The following FRMPD4 variants were observed in gnomAD, a reference collection of about 807,000 sequenced individuals.
FRMPD4 encodes the protein FERM and PDZ domain containing 4.
FRMPD4 carries 22 observed loss-of-function variants against 94.1 expected under a neutral mutation model. That is an observed-to-expected ratio of 0.23 (90% CI 0.17 to 0.33). The LOEUF is 0.33. Ranked by LOEUF, FRMPD4 falls within the 10% of genes least tolerant of loss-of-function variation. The pLI is 1.00. For synonymous variants in FRMPD4, 631 were observed against 548.6 expected (o/e 1.15, Z -2.10); for missense variants, 1,111 against 1,339.9 (o/e 0.83, Z 2.67).
intron 3 of FRMPD4, among the ~76,000 whole-genome samples, chrX:11,987,137 A>G (rs1206553212): frequency 6.0e-5 from 6 of 99,325 alleles, no homozygotes; most frequent in Non-Finnish European, 1.0e-4. Context: ...AAACAACTAC[A>G]GGCCAATAAC....
intron 3 of FRMPD4, among the ~76,000 whole-genome samples, chrX:12,066,456 G>A (rs2054920753): frequency 9.0e-6 from 1 of 111,675 alleles, no homozygotes; most frequent in Non-Finnish European, 1.9e-5. Flanking sequence ...ACAATGAAAG[G>A]GATCAATTAA....
chrX:11,834,373 C>T (rs918417470), intron 1 of FRMPD4, among the ~76,000 whole-genome samples: 7 of 111,979 alleles, frequency 6.3e-5, no homozygotes. Context: ...CTCAGAGTCT[C>T]ACTGATACCA....
intron 13 of FRMPD4, chrX:12,708,915 T>C (rs2041930498): frequency 8.8e-6 from 1 of 113,886 alleles, no homozygotes; most frequent in East Asian, 2.8e-4. Flanking sequence ...CTTCATGGGC[T>C]GGATCCAGAG....
rs147738061 is a variant in FRMPD4 at position 11,990,218 on chromosome X, G to A, written c.95+112200G>A. On this transcript the variant is annotated intron_variant, in intron 3 of 18. Coordinates refer to the FRMPD4 transcript ENST00000640291. ...AAACAAGCCAGGCACAAATGGTTAC[G>A]TTGTATGATTCCATTTATATTAAAT... Among the ~76,000 whole-genome samples the A allele has an allele frequency of 7.0e-3, 783 of 112,027 alleles. 5 individuals carry two copies. The highest frequency in any genetic ancestry group is 0.024 in the African/African-American group (734 of 30,946).
At chrX:12,381,646 A>C (rs1362084170) in intron 1 of FRMPD4, among the ~76,000 whole-genome samples, 1 of 112,027 alleles carries the variant, frequency 8.9e-6, no homozygotes. Flanking sequence ...TTGGATGGCA[A>C]GCGGGACTTT....
chrX:12,559,385 C>G (rs749922625), intron 2 of FRMPD4, among the ~76,000 whole-genome samples: 15 of 111,781 alleles, frequency 1.3e-4, no homozygotes, highest in Middle Eastern at 4.6e-3. Context: ...CGTGGTGGCT[C>G]ACGCCTGTGA....
chrX:12,491,748 C>G (rs1311191528), intron 1 of FRMPD4, among the ~76,000 whole-genome samples: 1 of 112,195 alleles, frequency 8.9e-6, no homozygotes, highest in Non-Finnish European at 1.9e-5. Context: ...ATTTGAACAT[C>G]TATCATGTGC....
intron 2 of FRMPD4, among the ~76,000 whole-genome samples, chrX:12,526,467 G>A (rs1016946930): frequency 1.1e-4 from 12 of 112,597 alleles, no homozygotes; most frequent in African/African-American, 3.2e-4. Flanking sequence ...GGCAAATCGC[G>A]TTGTTAGCAG....
intron 1 of FRMPD4, among the ~76,000 whole-genome samples, chrX:12,333,503 C>G (rs2055465502): frequency 9.0e-6 from 1 of 111,214 alleles, no homozygotes; most frequent in Non-Finnish European, 1.9e-5. Context: ...TAAAGTTAGC[C>G]AGGAAAAGAA....
At chrX:12,618,052 C>T (rs990776110) in intron 4 of FRMPD4, among the ~76,000 whole-genome samples, 1 of 111,699 alleles carries the variant, frequency 9.0e-6, no homozygotes, top group African/African-American at 3.3e-5. Flanking sequence ...AAGTTGTTAA[C>T]TCTAACTCAG....
intron 3 of FRMPD4, among the ~76,000 whole-genome samples, chrX:12,102,766 A>G (rs1266899664): frequency 9.1e-6 from 1 of 110,389 alleles, no homozygotes; most frequent in Non-Finnish European, 1.9e-5. Flanking sequence ...ATTAAATTCA[A>G]ATTTTTTGAG....
intron 1 of FRMPD4, among the ~76,000 whole-genome samples, chrX:12,421,202 T>C (rs911676201): frequency 2.7e-5 from 3 of 112,294 alleles, no homozygotes; most frequent in African/African-American, 6.5e-5. Flanking sequence ...TCAAAAGTTA[T>C]TGTCCTAAGA....
chrX:12,536,376 T>C (rs1045695790), intron 2 of FRMPD4, among the ~76,000 whole-genome samples: 7 of 110,713 alleles, frequency 6.3e-5, no homozygotes, highest in Admixed American at 9.6e-5. Flanking sequence ...GTCTACTTGA[T>C]TATCACAGGA....
At chrX:12,410,140 A>C (rs1213786747) in intron 1 of FRMPD4, among the ~76,000 whole-genome samples, 1 of 111,002 alleles carries the variant, frequency 9.0e-6, no homozygotes, top group Non-Finnish European at 1.9e-5. Flanking sequence ...ACACTTTATC[A>C]TCACTGATTA....
intron 1 of FRMPD4, among the ~76,000 whole-genome samples, chrX:12,322,483 G>A (rs1275022084): frequency 9.1e-6 from 1 of 110,352 alleles, no homozygotes; most frequent in East Asian, 2.8e-4. Context: ...TGATGTGCTT[G>A]GTGTGTTCAA....
chrX:12,126,484 G>T (rs191437925), intron 3 of FRMPD4, among the ~76,000 whole-genome samples: 45 of 111,593 alleles, frequency 4.0e-4, no homozygotes, highest in African/African-American at 1.4e-3. Context: ...GCTAAGGATG[G>T]ATCTGAAGTT....
chrX:12,414,150 G>A (rs1415874055), intron 1 of FRMPD4, among the ~76,000 whole-genome samples: 1 of 112,418 alleles, frequency 8.9e-6, no homozygotes, highest in Non-Finnish European at 1.9e-5. Context: ...CATTTAATAT[G>A]CATTGCTTCT....
intron 1 of FRMPD4, among the ~76,000 whole-genome samples, chrX:12,485,093 C>T (rs771851951): frequency 2.0e-4 from 22 of 112,141 alleles, no homozygotes; most frequent in Non-Finnish European, 3.0e-4. Flanking sequence ...TGGGCCAAGG[C>T]CACCGGATGT....
At position 12,151,872 on chromosome X, in the gene FRMPD4, G is replaced by C. The variant is rs991387314; in HGVS notation, c.41+12860G>C. Among the ~76,000 whole-genome samples the C allele has an allele frequency of 1.1e-4, 12 of 111,985 alleles. 1 individual carries two copies. The highest frequency in any genetic ancestry group is 3.9e-4 in the African/African-American group (12 of 30,939). The stretch of plus-strand genomic sequence containing the variant: ...ATGTGATGAATATGTTTACAGCTAA[G>C]TCTTTGGATTTCATGGGCAGATTTT... On this transcript the variant is annotated intron_variant, in intron 1 of 16. Transcript: ENST00000675598.
Sources: allele counts gnomAD v4.1 joint callset (sites outside exome capture counted in the v4.1 genomes callset), GRCh38; gene constraint gnomAD v4.1.1; transcripts MANE v1.5; gene names NCBI Gene and HGNC (gene_info 2026-07-23, HGNC 2026-07-21).